PHACTR3: variants seen among roughly 807,000 people sequenced by gnomAD.
PHACTR3 encodes the protein protein phosphatase 1, regulatory subunit 123.
Under a neutral mutation model 66.8 loss-of-function variants are expected in PHACTR3, and 16 were observed. The observed-to-expected ratio is 0.24, with a 90% confidence interval of 0.16 to 0.36. The LOEUF is 0.36. PHACTR3 is among the 10% of genes least tolerant of loss of function. The pLI, the probability that PHACTR3 is intolerant of heterozygous loss-of-function variation, is 1.00. For synonymous variants in PHACTR3, 323 were observed against 292.1 expected, an observed-to-expected ratio of 1.11 and a Z score of -1.08; for missense variants, 647 against 719.9, an observed-to-expected ratio of 0.90 and a Z score of 1.16.
At chr20:59,780,068 A>G (rs2040671840) in intron 7 of PHACTR3, among the ~76,000 whole-genome samples, 1 of 152,152 alleles carries the variant, frequency 6.6e-6, no homozygotes, top group Admixed American at 6.5e-5. Flanking sequence ...GAAACACGTG[A>G]TGAGGGGGAG....
intron 1 of PHACTR3, among the ~76,000 whole-genome samples, chr20:59,720,164 C>T (rs531681265): frequency 6.6e-6 from 1 of 152,272 alleles, no homozygotes; most frequent in Non-Finnish European, 1.5e-5. Flanking sequence ...TCTTGAAGAC[C>T]ATAACATCTC....
chr20:59,770,066 C>G (rs1451039352), intron 5 of PHACTR3, among the ~76,000 whole-genome samples: 2 of 152,172 alleles, frequency 1.3e-5, no homozygotes, highest in Admixed American at 1.3e-4. Flanking sequence ...AGTTTCCTGC[C>G]TCTCCCAAGC....
intron 1 of PHACTR3, among the ~76,000 whole-genome samples, chr20:59,658,147 C>T (rs1173479334): frequency 6.6e-6 from 1 of 152,066 alleles, no homozygotes; most frequent in Non-Finnish European, 1.5e-5. Flanking sequence ...GTATAATTTA[C>T]ATTAGATTAT....
At chr20:59,584,797 C>T (rs1782949603) in intron 1 of PHACTR3, among the ~76,000 whole-genome samples, 1 of 152,174 alleles carries the variant, frequency 6.6e-6, no homozygotes, top group Non-Finnish European at 1.5e-5. Context: ...GCAGCGAGAC[C>T]TCGTCTGTGA....
intron 1 of PHACTR3, among the ~76,000 whole-genome samples, chr20:59,651,586 A>G (rs1300288006): frequency 2.0e-5 from 3 of 152,240 alleles, no homozygotes; most frequent in Non-Finnish European, 4.4e-5. Flanking sequence ...ATGGTAAAAT[A>G]GCACACAGGC....
chr20:59,769,111 A>C (rs1229585609), intron 5 of PHACTR3, among the ~76,000 whole-genome samples: 1 of 152,164 alleles, frequency 6.6e-6, no homozygotes, highest in African/African-American at 2.4e-5. Flanking sequence ...GTACCTTTGC[A>C]TGCTTGGGAC....
At chr20:59,602,454 AAG>A (rs368428946), upstream of PHACTR3, among the ~76,000 whole-genome samples, 50 of 151,536 alleles carry the variant, frequency 3.3e-4, no homozygotes, top group Middle Eastern at 3.4e-3. Context: ...AAAAAAAAAA[AAG>A]AGAGAGAGAG....
At chr20:59,749,512 C>G (rs550282587) in intron 3 of PHACTR3, among the ~76,000 whole-genome samples, 1 of 152,218 alleles carries the variant, frequency 6.6e-6, no homozygotes, top group South Asian at 2.1e-4. Flanking sequence ...CAGTGTGGCT[C>G]TCACCCTGCT....
intron 1 of PHACTR3, among the ~76,000 whole-genome samples, chr20:59,649,156 A>G (rs552521468): frequency 6.6e-6 from 1 of 152,354 alleles, no homozygotes; most frequent in Non-Finnish European, 1.5e-5. Flanking sequence ...AAAAAAAGAC[A>G]CTAATGAGAG....
chr20:59,653,670 A>G (rs368377261), intron 1 of PHACTR3, among the ~76,000 whole-genome samples: 2 of 152,320 alleles, frequency 1.3e-5, no homozygotes, highest in South Asian at 2.1e-4. Flanking sequence ...TGGAGAAAGC[A>G]ATTAAGCAAT....
intron 8 of PHACTR3, among the ~76,000 whole-genome samples, chr20:59,827,828 A>G (rs2042238465): frequency 6.6e-6 from 1 of 152,116 alleles, no homozygotes; most frequent in South Asian, 2.1e-4. Context: ...GAAGCCCCCC[A>G]CTGCACCAAG....
intron 8 of PHACTR3, among the ~76,000 whole-genome samples, chr20:59,806,527 A>C (rs2041575662): frequency 3.9e-5 from 6 of 152,222 alleles, no homozygotes; most frequent in Admixed American, 3.9e-4. Context: ...GACTGGGCCA[A>C]ACTGATGAGG....
At chr20:59,730,875 G>T (rs1051449655) in intron 1 of PHACTR3, among the ~76,000 whole-genome samples, 1 of 152,122 alleles carries the variant, frequency 6.6e-6, no homozygotes, top group Non-Finnish European at 1.5e-5. Context: ...TGTGTGGCCC[G>T]CAAAGCCTCA....
At chr20:59,762,201 A>G (rs2040015966) in intron 4 of PHACTR3, among the ~76,000 whole-genome samples, 2 of 152,050 alleles carry the variant, frequency 1.3e-5, no homozygotes, top group South Asian at 4.2e-4. Flanking sequence ...ACTTTGGAGG[A>G]GGGTTTTGGT....
At chr20:59,812,667 A>G (rs573921429) in intron 8 of PHACTR3, among the ~76,000 whole-genome samples, 1 of 152,210 alleles carries the variant, frequency 6.6e-6, no homozygotes, top group East Asian at 1.9e-4. Flanking sequence ...GTGAGCTTTT[A>G]CCTGAAACTG....
chr20:59,636,973 G>A (rs1228061965), intron 1 of PHACTR3, among the ~76,000 whole-genome samples: 1 of 152,192 alleles, frequency 6.6e-6, no homozygotes, highest in Non-Finnish European at 1.5e-5. Context: ...ATGGGTACAG[G>A]CTGTTATCTC....
At chr20:59,789,119 T>C (rs561007301) in intron 7 of PHACTR3, among the ~76,000 whole-genome samples, 1 of 152,344 alleles carries the variant, frequency 6.6e-6, no homozygotes, top group African/African-American at 2.4e-5. Flanking sequence ...ATGCCTGTTA[T>C]CCTTGAGAGA....
At chr20:59,651,853 G>GTAGA (rs2035469876) in intron 1 of PHACTR3, among the ~76,000 whole-genome samples, 2 of 151,872 alleles carry the variant, frequency 1.3e-5, no homozygotes, top group South Asian at 4.2e-4. Flanking sequence ...AGGTAGGTAG[G>GTAGA]TAGGTAGGTA....
At position 59,640,256 on chromosome 20, in the gene PHACTR3, TCTCCCTGCTTTGG is replaced by T. The variant is rs1299312699; in HGVS notation, c.118+35127_118+35139del. On this transcript the variant is annotated intron_variant, in intron 1 of 12. Transcript: ENST00000371015. ...CCACATGGACTCAGGACATGTCAACTCTCCCTGCTTTGGCTATAATTACTATCCTACTGTCAAG... is the reference window on the plus strand; with the variant it reads ...CCACATGGACTCAGGACATGTCAACTCTATAATTACTATCCTACTGTCAAG... Among the ~76,000 whole-genome samples, 77 of 152,310 alleles carry T rather than the reference TCTCCCTGCTTTGG, an allele frequency of 5.1e-4. 1 individual carries two copies. The highest frequency in any genetic ancestry group is 1.8e-3 in the African/African-American group (74 of 41,542).
Sources: allele counts gnomAD v4.1 joint callset (sites outside exome capture counted in the v4.1 genomes callset), GRCh38; gene constraint gnomAD v4.1.1; transcripts MANE v1.5; gene names NCBI Gene and HGNC (gene_info 2026-07-23, HGNC 2026-07-21).